The following BMPR1B variants were observed in gnomAD, a reference collection of about 807,000 sequenced individuals.
The protein encoded by BMPR1B is bone morphogenetic protein receptor type-1B.
In BMPR1B, 12 loss-of-function variants were observed where a neutral mutation model predicts 59.1. The ratio of observed to expected loss-of-function variants is 0.20; its 90% CI spans 0.13 to 0.33. BMPR1B has a LOEUF of 0.33. Among genes scored for constraint, BMPR1B ranks in the 10% least tolerant of loss-of-function variants. The pLI is 1.00. For missense variants in BMPR1B, 550 were observed against 610.9 expected (o/e 0.90, Z 1.05); for synonymous variants, 237 against 207.3 (o/e 1.14, Z -1.23).
chr4:94,782,088 C>CT (rs535083939), intron 1 of BMPR1B, among the ~76,000 whole-genome samples: 10 of 146,776 alleles, frequency 6.8e-5, no homozygotes, highest in Non-Finnish European at 1.1e-4. Context: ...TGTTTTGCTT[C>CT]TTTTTTTTTT....
At chr4:95,065,440 G>C (rs1224668130) in intron 3 of BMPR1B, among the ~76,000 whole-genome samples, 2 of 152,116 alleles carry the variant, frequency 1.3e-5, no homozygotes, top group African/African-American at 4.8e-5. Flanking sequence ...GAATTTTATA[G>C]TATGTTAATT....
At chr4:95,003,953 G>A (rs1392544692) in intron 3 of BMPR1B, among the ~76,000 whole-genome samples, 3 of 151,782 alleles carry the variant, frequency 2.0e-5, no homozygotes, top group African/African-American at 7.3e-5. Context: ...GACTACAGGT[G>A]TGTGCCACCA....
intron 4 of BMPR1B, among the ~76,000 whole-genome samples, chr4:95,105,128 A>C (rs1487752172): frequency 6.6e-6 from 1 of 152,110 alleles, no homozygotes; most frequent in Non-Finnish European, 1.5e-5. Flanking sequence ...ACTTTATAAC[A>C]TTTGAAACTG....
At chr4:94,986,308 T>A (rs1721403291) in intron 2 of BMPR1B, among the ~76,000 whole-genome samples, 1 of 152,180 alleles carries the variant, frequency 6.6e-6, no homozygotes, top group African/African-American at 2.4e-5. Flanking sequence ...AGTCTAGGAC[T>A]CATACCAGAT....
intron 2 of BMPR1B, among the ~76,000 whole-genome samples, chr4:94,902,045 T>TGG (rs1727829039): frequency 1.0e-5 from 1 of 98,600 alleles, no homozygotes; most frequent in South Asian, 3.3e-4. Flanking sequence ...GCAGACTGCA[T>TGG]GGTGTGTGTG....
intron 2 of BMPR1B, among the ~76,000 whole-genome samples, chr4:94,880,635 ATTTTTT>A (rs35455973): frequency 1.9e-4 from 24 of 125,262 alleles, no homozygotes; most frequent in Admixed American, 1.9e-3. Context: ...ATTAAAATGA[ATTTTTT>A]TTTTTTTTTT....
At chr4:95,042,874 T>C (rs558435313) in intron 3 of BMPR1B, among the ~76,000 whole-genome samples, 2 of 152,214 alleles carry the variant, frequency 1.3e-5, no homozygotes, top group South Asian at 4.1e-4. Flanking sequence ...TCTGTAATGA[T>C]TAACATAAAG....
intron 1 of BMPR1B, among the ~76,000 whole-genome samples, chr4:94,842,093 T>C (rs1172090833): frequency 6.6e-6 from 1 of 152,158 alleles, no homozygotes; most frequent in East Asian, 1.9e-4. Context: ...CACCCCAGGG[T>C]GCTTGGACAA....
intron 1 of BMPR1B, among the ~76,000 whole-genome samples, chr4:94,816,281 G>T (rs1379030966): frequency 6.6e-6 from 1 of 152,086 alleles, no homozygotes; most frequent in Non-Finnish European, 1.5e-5. Flanking sequence ...CGAGTACCTG[G>T]GACTGCAGGT....
At chr4:95,138,513 G>A (rs1430178948) in intron 10 of BMPR1B, among the ~76,000 whole-genome samples, 3 of 152,086 alleles carry the variant, frequency 2.0e-5, no homozygotes, top group Non-Finnish European at 4.4e-5. Flanking sequence ...TTCCAACTTG[G>A]TTCCATTCTC....
At chr4:95,094,146 T>C (rs1730200730) in intron 3 of BMPR1B, among the ~76,000 whole-genome samples, 1 of 152,104 alleles carries the variant, frequency 6.6e-6, no homozygotes, top group South Asian at 2.1e-4. Flanking sequence ...TGTTATTTTA[T>C]TGAGGACACC....
chr4:95,138,196 G>A (rs1408851989), intron 10 of BMPR1B, among the ~76,000 whole-genome samples: 1 of 147,292 alleles, frequency 6.8e-6, no homozygotes, highest in Admixed American at 6.6e-5. Context: ...GAAATTCTGG[G>A]CTGAACATTC....
intron 6 of BMPR1B, among the ~76,000 whole-genome samples, chr4:95,116,910 T>A (rs1367579421): frequency 6.6e-6 from 1 of 152,114 alleles, no homozygotes; most frequent in Non-Finnish European, 1.5e-5. Context: ...ACATGCTAGG[T>A]ATTAGGAATA....
intron 6 of BMPR1B, among the ~76,000 whole-genome samples, chr4:95,116,677 T>A (rs1732093050): frequency 6.6e-6 from 1 of 151,330 alleles, no homozygotes; most frequent in Non-Finnish European, 1.5e-5. Flanking sequence ...GTGCATGGTG[T>A]CATCATAGTT....
intron 1 of BMPR1B, among the ~76,000 whole-genome samples, chr4:94,768,061 A>G (rs1722034278): frequency 6.6e-6 from 1 of 152,102 alleles, no homozygotes; most frequent in African/African-American, 2.4e-5. Context: ...ATTTATAAAA[A>G]TGGCAGATAA....
intron 3 of BMPR1B, among the ~76,000 whole-genome samples, chr4:95,074,886 G>A (rs1003034306): frequency 6.6e-6 from 1 of 152,120 alleles, no homozygotes; most frequent in Non-Finnish European, 1.5e-5. Flanking sequence ...GCCTGCTCAT[G>A]ATTATTTTAA....
intron 1 of BMPR1B, among the ~76,000 whole-genome samples, chr4:94,826,955 A>C (rs757266089): frequency 7.2e-5 from 11 of 152,018 alleles, no homozygotes; most frequent in Non-Finnish European, 1.0e-4. Context: ...TTGCAGCATA[A>C]TACTACTTTC....
chr4:94,845,987 T>G (rs1725309904), intron 1 of BMPR1B, among the ~76,000 whole-genome samples: 1 of 152,128 alleles, frequency 6.6e-6, no homozygotes, highest in Non-Finnish European at 1.5e-5. Flanking sequence ...AAAATTTCAG[T>G]GGAACAGAAT....
intron 6 of BMPR1B, among the ~76,000 whole-genome samples, chr4:95,120,693 TTCTC>T (rs1351093675): frequency 6.7e-6 from 1 of 148,276 alleles, no homozygotes; most frequent in Non-Finnish European, 1.5e-5. Flanking sequence ...CTTTCTTTCT[TTCTC>T]TCTTTCTCTC....
Sources: gnomAD v4.1 joint callset for allele counts (sites outside exome capture counted in the v4.1 genomes callset) on GRCh38, gnomAD v4.1.1 for gene constraint, MANE v1.5 for transcripts, NCBI Gene and HGNC (gene_info 2026-07-23, HGNC 2026-07-21) for gene names.